Variants in ERBB4 observed in about 807,000 individuals in gnomAD.
ERBB4 encodes erb-b2 receptor tyrosine kinase 4.
A neutral mutation model predicts 158.0 loss-of-function variants in ERBB4; 42 were observed. The observed-to-expected ratio is 0.27, with a 90% confidence interval of 0.21 to 0.34. The LOEUF is 0.34. Ranked by LOEUF, ERBB4 falls within the 10% of genes least tolerant of loss-of-function variation. ERBB4 has a pLI of 1.00. For synonymous variants in ERBB4, 583 were observed against 558.7 expected (o/e 1.04, Z -0.61); for missense variants, 1,333 against 1,624.1 (o/e 0.82, Z 3.08).
chr2:211,772,955 ATTTT>A (rs1328976588), intron 4 of ERBB4, among the ~76,000 whole-genome samples: 17 of 83,300 alleles, frequency 2.0e-4, no homozygotes, highest in African/African-American at 8.7e-4. Context: ...ATATATATAT[ATTTT>A]TTTTTTTAAA....
At chr2:212,013,363 C>T (rs1426304507) in intron 2 of ERBB4, among the ~76,000 whole-genome samples, 3 of 152,146 alleles carry the variant, frequency 2.0e-5, no homozygotes, top group Admixed American at 6.5e-5. Context: ...GAAATACAGA[C>T]TTGAAAGAGA....
At chr2:211,642,759 A>T (rs1428205222) in intron 16 of ERBB4, among the ~76,000 whole-genome samples, 1 of 152,054 alleles carries the variant, frequency 6.6e-6, no homozygotes, top group Non-Finnish European at 1.5e-5. Flanking sequence ...ATACTTACAA[A>T]CTTTTTATCT....
chr2:212,229,325 A>G (rs2083585475), intron 1 of ERBB4, among the ~76,000 whole-genome samples: 1 of 152,206 alleles, frequency 6.6e-6, no homozygotes, highest in South Asian at 2.1e-4. Flanking sequence ...GCCTCGGTGA[A>G]GTCTGGATGG....
intron 20 of ERBB4, among the ~76,000 whole-genome samples, chr2:211,461,713 T>C (rs962731546): frequency 6.6e-6 from 1 of 152,054 alleles, no homozygotes; most frequent in Admixed American, 6.6e-5. Context: ...TAGGCCGGCA[T>C]GCTGAACCAT....
At chr2:211,632,014 C>T (rs1302355803) in intron 16 of ERBB4, among the ~76,000 whole-genome samples, 2 of 151,906 alleles carry the variant, frequency 1.3e-5, no homozygotes, top group Non-Finnish European at 2.9e-5. Flanking sequence ...TGCGTAACTT[C>T]TTCTATAAAT....
intron 2 of ERBB4, among the ~76,000 whole-genome samples, chr2:211,970,267 G>T (rs1206970021): frequency 3.9e-5 from 6 of 152,090 alleles, no homozygotes; most frequent in Non-Finnish European, 7.4e-5. Flanking sequence ...CATGATTTCA[G>T]TTCTTTTGCA....
chr2:211,807,415 T>C (rs1198196844), intron 3 of ERBB4, among the ~76,000 whole-genome samples: 2 of 152,204 alleles, frequency 1.3e-5, no homozygotes, highest in Admixed American at 6.5e-5. Flanking sequence ...GTCCTTGTGA[T>C]AGTTTGCTCA....
intron 9 of ERBB4, 51 bp from the exon 10 acceptor site, chr2:211,705,442 G>A: frequency 9.0e-7 from 1 of 1,111,052 alleles, no homozygotes; most frequent in Non-Finnish European, 1.4e-6. Context: ...CTAAAGGATT[G>A]AAAATATGAG....
chr2:211,938,679 AAAT>A (rs926047859), intron 3 of ERBB4, among the ~76,000 whole-genome samples: 9 of 152,166 alleles, frequency 5.9e-5, no homozygotes, highest in African/African-American at 1.9e-4. Context: ...TTGACTATAA[AAAT>A]AATAATAATA....
At chr2:211,437,720 G>C (rs2063885158) in intron 20 of ERBB4, among the ~76,000 whole-genome samples, 1 of 151,678 alleles carries the variant, frequency 6.6e-6, no homozygotes. Context: ...TTAATCTCCA[G>C]CATTAATCTC....
intron 2 of ERBB4, among the ~76,000 whole-genome samples, chr2:212,114,796 A>G (rs1215897265): frequency 6.6e-6 from 1 of 152,160 alleles, no homozygotes; most frequent in Non-Finnish European, 1.5e-5. Context: ...TGAAAATACA[A>G]ATCACCACCA....
chr2:211,447,874 C>G (rs1246344699), intron 20 of ERBB4, among the ~76,000 whole-genome samples: 2 of 152,150 alleles, frequency 1.3e-5, no homozygotes, highest in Non-Finnish European at 2.9e-5. Context: ...AAAGTCTGTA[C>G]AAAACTGAAC....
intron 25 of ERBB4, among the ~76,000 whole-genome samples, chr2:211,404,143 T>C (rs2063100765): frequency 6.6e-6 from 1 of 152,122 alleles, no homozygotes; most frequent in Admixed American, 6.6e-5. Context: ...CTTTAGTGCC[T>C]TCAGCTTCAG....
chr2:211,486,605 G>A (rs1272824968), intron 20 of ERBB4, among the ~76,000 whole-genome samples: 2 of 151,682 alleles, frequency 1.3e-5, no homozygotes, highest in Non-Finnish European at 2.9e-5. Flanking sequence ...TAGGTTCGGA[G>A]CCTTGGCTTT....
intron 25 of ERBB4, among the ~76,000 whole-genome samples, chr2:211,408,131 C>T (rs1214435383): frequency 6.6e-6 from 1 of 152,038 alleles, no homozygotes; most frequent in Non-Finnish European, 1.5e-5. Context: ...TAAATAACTT[C>T]CAAAAAATTT....
At chr2:212,488,740 A>C (rs555164286) in intron 1 of ERBB4, among the ~76,000 whole-genome samples, 34 of 151,918 alleles carry the variant, frequency 2.2e-4, no homozygotes, top group African/African-American at 8.2e-4. Flanking sequence ...CTCTGCTTAT[A>C]ATTACCCCAT....
chr2:212,446,189 C>T lies in ERBB4; in HGVS notation c.82+92260G>A, dbSNP rs764211502. On this transcript the variant is annotated intron_variant, in intron 1 of 27. Coordinates refer to ENST00000342788, the MANE Select transcript of ERBB4 (RefSeq NM_005235.3). ...GATCTGTATGGGTTCAAGTTGACAACGGTTGGACTTGTGATGGTTAATACT... is the reference window on the plus strand; with the variant it reads ...GATCTGTATGGGTTCAAGTTGACAATGGTTGGACTTGTGATGGTTAATACT... Among the ~76,000 whole-genome samples, 11 of 151,902 alleles carry T rather than the reference C, an allele frequency of 7.2e-5. No homozygotes were observed. The East Asian group carries it at 9.7e-4, about 13-fold the overall frequency.
chr2:211,931,194 G>T (rs1015838775), intron 3 of ERBB4, among the ~76,000 whole-genome samples: 2 of 151,944 alleles, frequency 1.3e-5, no homozygotes, highest in African/African-American at 4.8e-5. Flanking sequence ...GTCATCAAAA[G>T]TTTTTCCTTT....
intron 2 of ERBB4, among the ~76,000 whole-genome samples, chr2:212,001,411 GT>G (rs1409540640): frequency 1.3e-5 from 2 of 152,202 alleles, no homozygotes; most frequent in Middle Eastern, 3.4e-3. Context: ...ATTTTATAGG[GT>G]GTTATACTTG....
Sources: gnomAD v4.1 joint callset for allele counts (sites outside exome capture counted in the v4.1 genomes callset) on GRCh38, gnomAD v4.1.1 for gene constraint, MANE v1.5 for transcripts, NCBI Gene and HGNC (gene_info 2026-07-23, HGNC 2026-07-21) for gene names.